CLVS1: variants seen among roughly 807,000 people sequenced by gnomAD.
The protein encoded by CLVS1 is clavesin-1.
A neutral mutation model predicts 33.1 loss-of-function variants in CLVS1; 10 were observed. The ratio of observed to expected loss-of-function variants is 0.30; its 90% CI spans 0.19 to 0.51. CLVS1 has a LOEUF of 0.51. CLVS1 is among the 20% of genes least tolerant of loss of function. The pLI, the probability that CLVS1 is intolerant of heterozygous loss-of-function variation, is 0.97. For synonymous variants in CLVS1, 163 were observed against 166.1 expected (o/e 0.98, Z 0.14); for missense variants, 343 against 433.4 (o/e 0.79, Z 1.85).
rs575339644 is a variant in CLVS1, at chr8:61,274,704, G to T, written c.-151-24973G>T. Among the ~76,000 whole-genome samples, 23 of 152,184 alleles carry T rather than the reference G, an allele frequency of 1.5e-4. 1 individual carries two copies. The highest frequency in any genetic ancestry group is 5.9e-4 in the Admixed American group (9 of 15,280). Reference sequence around the variant, plus strand: ...ATGGCAAAGGAGCACACAATCGCTGGCTATTTTTAAATTTGAGTAGCTTAA... The same window carrying T: ...ATGGCAAAGGAGCACACAATCGCTGTCTATTTTTAAATTTGAGTAGCTTAA... On this transcript the variant is annotated intron_variant, in intron 2 of 2. Coordinates refer to the CLVS1 transcript ENST00000522621.
intron 5 of CLVS1, chr8:61,465,879 G>GTCTCGA (rs1817531187): frequency 6.6e-6 from 1 of 152,218 alleles, no homozygotes; most frequent in Non-Finnish European, 1.5e-5. Context: ...GACCAGGATG[G>GTCTCGA]TCTCGATCTC....
chr8:61,435,586 G>C (rs1816300343), intron 3 of CLVS1, among the ~76,000 whole-genome samples: 1 of 150,452 alleles, frequency 6.6e-6, no homozygotes. Flanking sequence ...TGGCTTAAAA[G>C]GGGTAGCACA....
intron 2 of CLVS1, among the ~76,000 whole-genome samples, chr8:61,337,007 C>T (rs1373012432): frequency 1.3e-5 from 2 of 152,074 alleles, no homozygotes; most frequent in Non-Finnish European, 1.5e-5. Context: ...ATTCATTGTT[C>T]CAGGGTAAAA....
At chr8:61,075,141 T>G (rs1243576628) in intron 1 of CLVS1, among the ~76,000 whole-genome samples, 1 of 152,022 alleles carries the variant, frequency 6.6e-6, no homozygotes, top group Non-Finnish European at 1.5e-5. Flanking sequence ...CCTCAATGCT[T>G]GAGGAATGGG....
intron 2 of CLVS1, among the ~76,000 whole-genome samples, chr8:61,141,904 C>A (rs12681792): frequency 0.23 from 35,243 of 152,060 alleles, 4,479 homozygotes; most frequent in African/African-American, 0.3. Context: ...CTCTATTGGC[C>A]CTGATTCTGT....
intron 2 of CLVS1, among the ~76,000 whole-genome samples, chr8:61,150,785 C>T (rs889738308): frequency 2.0e-5 from 3 of 152,216 alleles, no homozygotes; most frequent in African/African-American, 4.8e-5. Context: ...CCAGTGTGAG[C>T]TGGTTCCTGG....
intron 2 of CLVS1, among the ~76,000 whole-genome samples, chr8:61,304,476 C>A (rs577985663): frequency 6.6e-6 from 1 of 152,254 alleles, no homozygotes; most frequent in East Asian, 1.9e-4. Context: ...TCAATCAGCT[C>A]GCATGTATTT....
intron 2 of CLVS1, among the ~76,000 whole-genome samples, chr8:61,267,513 A>G (rs1809335021): frequency 6.6e-6 from 1 of 152,124 alleles, no homozygotes; most frequent in Non-Finnish European, 1.5e-5. Flanking sequence ...CTGTTTTTTG[A>G]GCATGGAGTA....
At chr8:61,389,418 G>C (rs558316385) in intron 3 of CLVS1, among the ~76,000 whole-genome samples, 1 of 152,116 alleles carries the variant, frequency 6.6e-6, no homozygotes, top group Non-Finnish European at 1.5e-5. Context: ...GCACATGCCT[G>C]TAGTCCCAGC....
At chr8:61,230,723 C>T (rs1057287620) in intron 2 of CLVS1, among the ~76,000 whole-genome samples, 2 of 152,196 alleles carry the variant, frequency 1.3e-5, no homozygotes, top group African/African-American at 4.8e-5. Flanking sequence ...TAGCATGTGT[C>T]TTGTTCTATT....
intron 2 of CLVS1, among the ~76,000 whole-genome samples, chr8:61,346,498 T>A (rs1299899304): frequency 6.6e-6 from 1 of 152,152 alleles, no homozygotes; most frequent in African/African-American, 2.4e-5. Context: ...TACAATATAA[T>A]AATAAAGATT....
chr8:61,004,220 T>A, the CLVS1 span, among the ~76,000 whole-genome samples: 49 of 152,216 alleles, frequency 3.2e-4, no homozygotes, highest in Non-Finnish European at 6.0e-4. Context: ...CGGGTGGGTG[T>A]TTCAATGTTA....
At chr8:60,999,091 G>A in the CLVS1 span, among the ~76,000 whole-genome samples, 2 of 152,160 alleles carry the variant, frequency 1.3e-5, no homozygotes, top group East Asian at 1.9e-4. Flanking sequence ...GTGCAGGGTG[G>A]GAGAGGACTA....
At chr8:61,048,321 T>G in the CLVS1 span, among the ~76,000 whole-genome samples, 2 of 152,200 alleles carry the variant, frequency 1.3e-5, no homozygotes, top group African/African-American at 4.8e-5. Context: ...AGCAAGGAGC[T>G]GAAGTTCATC....
At chr8:61,070,786 G>C (rs6998208) in intron 1 of CLVS1, among the ~76,000 whole-genome samples, 1 of 152,160 alleles carries the variant, frequency 6.6e-6, no homozygotes, top group Non-Finnish European at 1.5e-5. Flanking sequence ...GCTACAGTGA[G>C]CCATGATTGC....
chr8:61,490,011 C>T (rs991593500), intron 5 of CLVS1, among the ~76,000 whole-genome samples: 1 of 152,152 alleles, frequency 6.6e-6, no homozygotes, highest in Non-Finnish European at 1.5e-5. Flanking sequence ...CTCAATTTAA[C>T]GTTTAGAAAT....
At chr8:61,253,008 C>A (rs1432794223) in intron 2 of CLVS1, among the ~76,000 whole-genome samples, 1 of 152,172 alleles carries the variant, frequency 6.6e-6, no homozygotes, top group East Asian at 1.9e-4. Context: ...GCAGTTTCTT[C>A]CTAGCCTCAA....
upstream of CLVS1, among the ~76,000 whole-genome samples, chr8:61,287,251 C>T (rs188504069): frequency 2.1e-3 from 324 of 152,008 alleles, 1 homozygote; most frequent in African/African-American, 7.6e-3. Flanking sequence ...CATTTACTGG[C>T]GAGGTTGATA....
intron 3 of CLVS1, among the ~76,000 whole-genome samples, chr8:61,403,714 A>T (rs184751372): frequency 7.5e-4 from 114 of 152,322 alleles, no homozygotes; most frequent in African/African-American, 2.5e-3. Flanking sequence ...GGATGGACCC[A>T]GGGAGATCAG....
Sources: allele counts gnomAD v4.1 joint callset (sites outside exome capture counted in the v4.1 genomes callset), GRCh38; gene constraint gnomAD v4.1.1; transcripts MANE v1.5; gene names NCBI Gene and HGNC (gene_info 2026-07-23, HGNC 2026-07-21).